The following ALPL variants were observed in gnomAD, a reference collection of about 807,000 sequenced individuals.
ALPL encodes the protein alkaline phosphatase, biomineralization associated.
A neutral mutation model predicts 51.3 loss-of-function variants in ALPL; 42 were observed. The ratio of observed to expected loss-of-function variants is 0.82; its 90% CI spans 0.64 to 1.06. ALPL has a LOEUF of 1.06. Ranked by LOEUF, ALPL falls within the 50% of genes least tolerant of loss-of-function variation. The pLI is 0.00. For synonymous variants in ALPL, 279 were observed against 296.4 expected (o/e 0.94, Z 0.60); for missense variants, 589 against 709.4 (o/e 0.83, Z 1.93).
intron 1 of ALPL, among the ~76,000 whole-genome samples, chr1:21,525,703 G>A (rs945142664): frequency 4.0e-4 from 60 of 149,060 alleles, no homozygotes; most frequent in Non-Finnish European, 4.1e-4. Context: ...AAGAGTGTGT[G>A]TAGGCTGGGC....
At chr1:21,549,429 A>C (rs1364105184) in intron 1 of ALPL, among the ~76,000 whole-genome samples, 2 of 152,084 alleles carry the variant, frequency 1.3e-5, no homozygotes, top group Admixed American at 1.3e-4. Flanking sequence ...CTCACGCCTC[A>C]AAAGACCACC....
In ALPL at chr1:21,560,663, G is replaced by A. The variant is rs772424729; in HGVS notation, c.99G>A (p.Ala33=). Residue 33 remains alanine, a synonymous_variant, in exon 3 of 12, where the codon GCG becomes GCA. Transcript: ENST00000374840. ...EKDPKYWRDQ[A]QETLKYALEL... is the part of the protein sequence containing the mutation. ...ACCCCAAGTACTGGCGAGACCAAGC[G>A]CAAGAGACACTGAAATATGCCCTGG... 14 of 1,614,010 alleles carry A rather than the reference G, an allele frequency of 8.7e-6. No individual in the cohort carries two copies. The highest frequency in any genetic ancestry group is 2.2e-5 in the East Asian group (1 of 44,884).
At chr1:21,543,378 G>A (rs190652718) in intron 1 of ALPL, among the ~76,000 whole-genome samples, 56 of 151,974 alleles carry the variant, frequency 3.7e-4, no homozygotes, top group Admixed American at 3.2e-3. Flanking sequence ...GGGTAGGGAC[G>A]ATTAGCCCCT....
intron 1 of ALPL, among the ~76,000 whole-genome samples, chr1:21,537,013 T>C (rs1316817678): frequency 6.6e-6 from 1 of 150,478 alleles, no homozygotes; most frequent in Admixed American, 6.7e-5. Context: ...TCTCCTGCCT[T>C]AGCCTCCTGA....
chr1:21,512,327 G>A (rs779256534), intron 1 of ALPL, among the ~76,000 whole-genome samples: 5 of 152,126 alleles, frequency 3.3e-5, no homozygotes, highest in African/African-American at 7.2e-5. Flanking sequence ...CTTCCCTTTC[G>A]AAGCCTCAGT....
chr1:21,560,191 A>T (rs1482218331), intron 2 of ALPL, among the ~76,000 whole-genome samples: 1 of 152,080 alleles, frequency 6.6e-6, no homozygotes, highest in Non-Finnish European at 1.5e-5. Context: ...ATATCAGGGG[A>T]CCCCTTCTGC....
chr1:21,575,286 G>A (rs1470986324), intron 9 of ALPL, among the ~76,000 whole-genome samples: 3 of 136,354 alleles, frequency 2.2e-5, no homozygotes, highest in Non-Finnish European at 4.9e-5. Flanking sequence ...CTGTAAACAG[G>A]ACTGATCATA....
At chr1:21,575,571 C>T (rs1025179303) in intron 9 of ALPL, among the ~76,000 whole-genome samples, 162 bp from the exon 10 acceptor site, 1 of 152,134 alleles carries the variant, frequency 6.6e-6, no homozygotes, top group South Asian at 2.1e-4. Flanking sequence ...TGAATGGCTG[C>T]GTAAAATGCC....
At chr1:21,562,817 A>T (rs994686657) in intron 4 of ALPL, among the ~76,000 whole-genome samples, 7 of 151,808 alleles carry the variant, frequency 4.6e-5, no homozygotes, top group Admixed American at 1.3e-4. Context: ...AGGCCCGGAG[A>T]GAGGCCTCCG....
intron 1 of ALPL, among the ~76,000 whole-genome samples, chr1:21,510,661 C>T (rs1056884788): frequency 6.6e-6 from 1 of 152,214 alleles, no homozygotes; most frequent in Non-Finnish European, 1.5e-5. Flanking sequence ...GCAGCCCTAG[C>T]GTCCTGCTCC....
At chr1:21,511,241 A>G (rs1643681119) in intron 1 of ALPL, among the ~76,000 whole-genome samples, 1 of 152,166 alleles carries the variant, frequency 6.6e-6, no homozygotes, top group East Asian at 1.9e-4. Flanking sequence ...AGCTATTCAT[A>G]AGGAAGGAGA....
intron 1 of ALPL, among the ~76,000 whole-genome samples, chr1:21,529,847 C>CT (rs1644004601): frequency 1.3e-5 from 2 of 152,202 alleles, no homozygotes; most frequent in Non-Finnish European, 2.9e-5. Context: ...TCTCTGCTCA[C>CT]TGCAGCCTCG....
At chr1:21,552,114 T>TCCCCCCCCCTCCCCTCCCC (rs1244827813) in intron 1 of ALPL, among the ~76,000 whole-genome samples, 3 of 51,434 alleles carry the variant, frequency 5.8e-5, no homozygotes, top group Non-Finnish European at 7.3e-5. Context: ...TTTCCTCCCC[T>TCCCCCCCCCTCCCCTCCCC]TCCCTTTCCT....
In ALPL at chr1:21,577,826, G is replaced by A. The variant is rs776773091; in HGVS notation, c.*178G>A. The A allele has an allele frequency of 1.2e-6, 1 of 846,332 alleles. No homozygotes were observed. Among genetic ancestry groups the A allele is most frequent in the Non-Finnish European group, 1.8e-6 (1 of 560,368 alleles). The allele number at this position is 846,332 out of a possible 1,614,324, so 52.4% of individuals were successfully genotyped here. ...CTCCCCTCTGGAATCTTCCCCAAGG[G>A]CCAAACCCACTTCTGGCCTCCAGCC... On this transcript the variant is annotated 3_prime_UTR_variant, in exon 12 of 12. Transcript: ENST00000374840.
chr1:21,541,892 T>G (rs1048446478), intron 1 of ALPL, among the ~76,000 whole-genome samples: 1 of 152,124 alleles, frequency 6.6e-6, no homozygotes, highest in African/African-American at 2.4e-5. Context: ...CCACGTCTGT[T>G]TCCTGCCAGG....
At chr1:21,527,047 C>CTTTTCTTTTCTTTTCTTTTCTTTTCTTTT (rs1553406582) in intron 1 of ALPL, among the ~76,000 whole-genome samples, 1 of 97,436 alleles carries the variant, frequency 1.0e-5, no homozygotes, top group African/African-American at 4.4e-5. Context: ...TCTTTTCTTT[C>CTTTTCTTTTCTTTTCTTTTCTTTTCTTTT]TTGAGATGGA....
At chr1:21,552,210 G>A (rs867903381) in intron 1 of ALPL, among the ~76,000 whole-genome samples, 10 of 142,290 alleles carry the variant, frequency 7.0e-5, no homozygotes, top group Middle Eastern at 3.7e-3. Context: ...TTGGATGGGC[G>A]CGGCAGCTCA....
At chr1:21,565,029 A>G (rs1310262741) in intron 6 of ALPL, among the ~76,000 whole-genome samples, 1 of 152,006 alleles carries the variant, frequency 6.6e-6, no homozygotes, top group Non-Finnish European at 1.5e-5. Flanking sequence ...GGGACTGCTG[A>G]GGCGATCTGG....
At chr1:21,570,978 C>T (rs1044715192) in intron 8 of ALPL, among the ~76,000 whole-genome samples, 5 of 152,238 alleles carry the variant, frequency 3.3e-5, no homozygotes, top group African/African-American at 4.8e-5. Flanking sequence ...CACAGCTCCG[C>T]GTCCTGGGTG....
Sources: allele counts gnomAD v4.1 joint callset (sites outside exome capture counted in the v4.1 genomes callset), GRCh38; gene constraint gnomAD v4.1.1; transcripts MANE v1.5; gene names NCBI Gene and HGNC (gene_info 2026-07-23, HGNC 2026-07-21).